SCOC: variants seen among roughly 807,000 people sequenced by gnomAD.
SCOC encodes short coiled coil protein.
Under a neutral mutation model 9.9 loss-of-function variants are expected in SCOC, and 7 were observed. The observed-to-expected ratio is 0.71, with a 90% confidence interval of 0.40 to 1.33. The LOEUF is 1.33. Ranked by LOEUF, SCOC falls within the 40% of genes most tolerant of loss-of-function variation. SCOC has a pLI of 0.01. For synonymous variants in SCOC, 19 were observed against 28.2 expected (o/e 0.67, Z 1.03); for missense variants, 66 against 89.7 (o/e 0.74, Z 1.07).
intron 1 of SCOC, among the ~76,000 whole-genome samples, chr4:140,326,069 G>C (rs1303783445): frequency 2.6e-5 from 4 of 152,032 alleles, no homozygotes; most frequent in Non-Finnish European, 4.4e-5. Flanking sequence ...AAACAAGCCA[G>C]ACCCAAAAGG....
intron 3 of SCOC, 135 bp from the exon 4 acceptor site, chr4:140,380,827 T>G: frequency 1.7e-6 from 1 of 591,246 alleles, no homozygotes; most frequent in South Asian, 3.6e-5. Flanking sequence ...TTTGTTTACC[T>G]TGCTGTCTCT....
intron 1 of SCOC, among the ~76,000 whole-genome samples, chr4:140,287,735 C>T (rs1290279889): frequency 6.6e-6 from 1 of 152,020 alleles, no homozygotes; most frequent in East Asian, 1.9e-4. Context: ...CAGGCCACAC[C>T]ATATGTACAC....
At chr4:140,366,188 T>C (rs1727786675) in intron 2 of SCOC, 12 of 149,088 alleles carry the variant, frequency 8.0e-5, no homozygotes, top group Middle Eastern at 9.0e-4. Context: ...TCTTTCTTTT[T>C]TTTTTTTTTT....
chr4:140,383,076 C>CTCATATATCT lies in SCOC; in HGVS notation c.*1975_*1984dup, dbSNP rs1220486141. 3 of 152,226 alleles carry CTCATATATCT rather than the reference C, an allele frequency of 2.0e-5. No homozygotes were observed. Among genetic ancestry groups the CTCATATATCT allele is most frequent in the Non-Finnish European group, 4.4e-5 (3 of 68,052 alleles). The allele number at this position is 152,226 out of a possible 1,614,324, so 9.4% of individuals were successfully genotyped here. The stretch of plus-strand genomic sequence containing the variant: ...TGTTATGGGCTGTGCCTGGAAATGG[C>CTCATATATCT]TCATATATCTTCTCATATTCCAGTG... On this transcript the variant is annotated 3_prime_UTR_variant, in exon 4 of 4. Coordinates refer to ENST00000608372, the MANE Select transcript of SCOC (RefSeq NM_001153484.2).
At chr4:140,331,374 T>A (rs1732811888) in intron 1 of SCOC, among the ~76,000 whole-genome samples, 1 of 152,156 alleles carries the variant, frequency 6.6e-6, no homozygotes, top group African/African-American at 2.4e-5. Context: ...AGTGGCCTTT[T>A]TCTTTATAGT....
upstream of SCOC, chr4:140,343,382 GC>G (rs1726580116): frequency 2.7e-6 from 1 of 364,002 alleles, no homozygotes; most frequent in Non-Finnish European, 5.0e-6. Flanking sequence ...GGGTACAGCA[GC>G]CGTGCCAGCA....
intron 1 of SCOC, among the ~76,000 whole-genome samples, chr4:140,303,744 A>G (rs1731880770): frequency 6.6e-6 from 1 of 152,198 alleles, no homozygotes; most frequent in South Asian, 2.1e-4. Context: ...AAATCCAGGT[A>G]TAGGGAAATG....
At chr4:140,314,859 AC>A (rs760364278) in intron 1 of SCOC, among the ~76,000 whole-genome samples, 2 of 147,696 alleles carry the variant, frequency 1.4e-5, no homozygotes, top group South Asian at 2.2e-4. Flanking sequence ...TGTGAACTCC[AC>A]CCCCCCACCA....
intron 1 of SCOC, among the ~76,000 whole-genome samples, chr4:140,298,123 C>T (rs1458017925): frequency 6.6e-6 from 1 of 152,126 alleles, no homozygotes; most frequent in Admixed American, 6.5e-5. Context: ...CGGGATCGTT[C>T]GCCATCCATG....
At chr4:140,328,439 T>C (rs759149846) in intron 1 of SCOC, among the ~76,000 whole-genome samples, 3 of 152,208 alleles carry the variant, frequency 2.0e-5, no homozygotes, top group African/African-American at 7.2e-5. Context: ...AATTTCTGTG[T>C]GCCACCTTCG....
intron 2 of SCOC, among the ~76,000 whole-genome samples, chr4:140,346,150 A>G (rs978291420): frequency 1.3e-5 from 2 of 152,194 alleles, no homozygotes; most frequent in African/African-American, 4.8e-5. Context: ...ATGGATATTG[A>G]GTGGCAGTGG....
intron 1 of SCOC, chr4:140,293,217 C>T (rs1370404709): frequency 2.3e-6 from 1 of 436,964 alleles, no homozygotes; most frequent in African/African-American, 2.0e-5. Context: ...TCTTAAACAA[C>T]TGGGCTGCCA....
At chr4:140,322,703 T>A (rs2126483956) in intron 1 of SCOC, among the ~76,000 whole-genome samples, 1 of 152,174 alleles carries the variant, frequency 6.6e-6, no homozygotes, top group South Asian at 2.1e-4. Flanking sequence ...AAAGATGGAA[T>A]TTACAATTAA....
chr4:140,380,024 G>A (rs1209601032), intron 3 of SCOC, among the ~76,000 whole-genome samples: 1 of 151,978 alleles, frequency 6.6e-6, no homozygotes, highest in Non-Finnish European at 1.5e-5. Context: ...TCTAAATCTT[G>A]CATAAAATTA....
chr4:140,311,076 GT>G (rs1434919841), intron 1 of SCOC, among the ~76,000 whole-genome samples: 1 of 152,038 alleles, frequency 6.6e-6, no homozygotes, highest in Non-Finnish European at 1.5e-5. Context: ...AATAAAACAG[GT>G]TTTTAGCCAG....
rs1353003678 is a variant in SCOC, at chr4:140,384,803, CA to C, written c.*3703del. The C allele has an allele frequency of 6.6e-6, 1 of 152,076 alleles. No homozygotes were observed. Among genetic ancestry groups the C allele is most frequent in the Non-Finnish European group, 1.5e-5 (1 of 68,026 alleles). The allele number at this position is 152,076 out of a possible 1,614,324, so 9.4% of individuals were successfully genotyped here. ...TTGTTATGGACTGAATGTGTCCTCC[CA>C]AAATTCTTAGGTTGAAATCCTAACC... On this transcript the variant is annotated 3_prime_UTR_variant, in exon 4 of 4. Coordinates refer to ENST00000608372, the MANE Select transcript of SCOC (RefSeq NM_001153484.2).
At chr4:140,268,701 G>A (rs143297228) in intron 1 of SCOC, among the ~76,000 whole-genome samples, 256 of 152,266 alleles carry the variant, frequency 1.7e-3, no homozygotes, top group African/African-American at 5.9e-3. Context: ...GAGAGAAGGC[G>A]TCATTCAGAC....
chr4:140,304,967 A>G (rs1731924795), intron 1 of SCOC, among the ~76,000 whole-genome samples: 1 of 152,180 alleles, frequency 6.6e-6, no homozygotes, highest in African/African-American at 2.4e-5. Context: ...CTGTGCTATT[A>G]TAAGTATTAT....
At chr4:140,335,883 T>TAC (rs1732943474) in intron 1 of SCOC, among the ~76,000 whole-genome samples, 1 of 152,146 alleles carries the variant, frequency 6.6e-6, no homozygotes, top group Admixed American at 6.5e-5. Flanking sequence ...CACACAAACA[T>TAC]ACACACACAT....
Sources: gnomAD v4.1 joint callset for allele counts (sites outside exome capture counted in the v4.1 genomes callset) on GRCh38, gnomAD v4.1.1 for gene constraint, MANE v1.5 for transcripts, NCBI Gene and HGNC (gene_info 2026-07-23, HGNC 2026-07-21) for gene names.